Variants in CDK14 observed in about 807,000 individuals in gnomAD.
The protein encoded by CDK14 is cyclin dependent kinase 14.
In CDK14, 34 loss-of-function variants were observed where a neutral mutation model predicts 60.7. The ratio of observed to expected loss-of-function variants is 0.56; its 90% confidence interval spans 0.43 to 0.75. The LOEUF is 0.75. Ranked by LOEUF, CDK14 falls within the 30% of genes least tolerant of loss-of-function variation. The pLI, the probability that CDK14 is intolerant of heterozygous loss-of-function variation, is 0.00. For missense variants in CDK14, 482 were observed against 564.1 expected (o/e 0.85, Z 1.47); for synonymous variants, 197 against 203.7 (o/e 0.97, Z 0.28).
intron 2 of CDK14, among the ~76,000 whole-genome samples, chr7:90,700,452 T>A (rs769740328): frequency 2.0e-5 from 3 of 152,144 alleles, no homozygotes; most frequent in Non-Finnish European, 2.9e-5. Flanking sequence ...GGCAGAGTAC[T>A]TGGAGACCCT....
intron 8 of CDK14, among the ~76,000 whole-genome samples, chr7:90,926,502 T>C (rs1330907048): frequency 6.6e-6 from 1 of 152,224 alleles, no homozygotes; most frequent in African/African-American, 2.4e-5. Context: ...GCTTTAATAA[T>C]GTTCCTGTTA....
chr7:91,159,547 A>G (rs936746440), intron 14 of CDK14, among the ~76,000 whole-genome samples: 8 of 152,202 alleles, frequency 5.3e-5, no homozygotes, highest in African/African-American at 1.9e-4. Flanking sequence ...TTCAAGGTCC[A>G]TATTATCTAA....
intron 12 of CDK14, among the ~76,000 whole-genome samples, chr7:91,092,567 A>G (rs1798862186): frequency 6.6e-6 from 1 of 152,250 alleles, no homozygotes; most frequent in African/African-American, 2.4e-5. Flanking sequence ...CATGCGAATT[A>G]TCGCAGAAAA....
At chr7:90,815,323 A>G (rs1297175763) in intron 5 of CDK14, among the ~76,000 whole-genome samples, 1 of 152,244 alleles carries the variant, frequency 6.6e-6, no homozygotes, top group Non-Finnish European at 1.5e-5. Flanking sequence ...AAAAAAGCTC[A>G]TCATCACTGG....
At chr7:90,822,337 T>C (rs1789579901) in intron 5 of CDK14, among the ~76,000 whole-genome samples, 2 of 152,194 alleles carry the variant, frequency 1.3e-5, no homozygotes, top group African/African-American at 4.8e-5. Flanking sequence ...CTGAAAGAAT[T>C]TCAGAGTTAC....
chr7:90,994,041 C>T (rs1584209230), intron 10 of CDK14, among the ~76,000 whole-genome samples: 3 of 152,224 alleles, frequency 2.0e-5, no homozygotes, highest in South Asian at 4.1e-4. Flanking sequence ...ATGACTACTT[C>T]CTGGTTGTTC....
At chr7:90,659,044 C>T (rs1373113950) in intron 2 of CDK14, among the ~76,000 whole-genome samples, 1 of 152,274 alleles carries the variant, frequency 6.6e-6, no homozygotes, top group East Asian at 1.9e-4. Flanking sequence ...TAAAAAATGA[C>T]TAATACTTGT....
At chr7:90,735,994 C>T (rs1803084479) in intron 3 of CDK14, among the ~76,000 whole-genome samples, 2 of 152,338 alleles carry the variant, frequency 1.3e-5, no homozygotes, top group African/African-American at 4.8e-5. Context: ...CGGTTGCAAA[C>T]ACTGTGGTAA....
chr7:90,779,898 A>C (rs1286961456), intron 4 of CDK14, among the ~76,000 whole-genome samples: 1 of 152,202 alleles, frequency 6.6e-6, no homozygotes, highest in Non-Finnish European at 1.5e-5. Context: ...GAGTCTATAC[A>C]TTGCAATGAA....
intron 5 of CDK14, among the ~76,000 whole-genome samples, chr7:90,851,986 A>T (rs1790660936): frequency 6.6e-6 from 1 of 151,778 alleles, no homozygotes; most frequent in African/African-American, 2.4e-5. Flanking sequence ...GCAGCCTCAA[A>T]CTCCTGGGTT....
intron 14 of CDK14, among the ~76,000 whole-genome samples, chr7:91,139,306 T>C (rs1800373713): frequency 6.6e-6 from 1 of 151,532 alleles, no homozygotes; most frequent in African/African-American, 2.4e-5. Flanking sequence ...GAAAGGAAAA[T>C]GAGATGATCA....
chr7:90,631,287 C>T (rs899006964), intron 2 of CDK14, among the ~76,000 whole-genome samples: 1 of 152,190 alleles, frequency 6.6e-6, no homozygotes, highest in African/African-American at 2.4e-5. Context: ...CATGGTGACT[C>T]TTAGCCAGGG....
chr7:91,025,841 G>C (rs1012524280), intron 10 of CDK14, among the ~76,000 whole-genome samples: 4 of 152,128 alleles, frequency 2.6e-5, no homozygotes, highest in Admixed American at 2.0e-4. Flanking sequence ...TGAGTCCCCA[G>C]GTCTCAGGCA....
At chr7:90,825,825 T>G (rs935335870) in intron 5 of CDK14, among the ~76,000 whole-genome samples, 1 of 152,206 alleles carries the variant, frequency 6.6e-6, no homozygotes, top group African/African-American at 2.4e-5. Context: ...ATTTAAAACT[T>G]TTATTACTCA....
chr7:90,976,617 G>A (rs1795080760), intron 9 of CDK14, among the ~76,000 whole-genome samples: 1 of 151,896 alleles, frequency 6.6e-6, no homozygotes, highest in Non-Finnish European at 1.5e-5. Context: ...TCCCACCTCA[G>A]CTTCCAAACT....
intron 8 of CDK14, among the ~76,000 whole-genome samples, chr7:90,928,838 AG>A (rs1318277039): frequency 1.3e-5 from 2 of 152,216 alleles, no homozygotes; most frequent in African/African-American, 2.4e-5. Context: ...GTACAGAGGC[AG>A]GCAGGCTTCC....
chr7:90,972,353 C>G (rs909373647), intron 9 of CDK14, among the ~76,000 whole-genome samples: 2 of 152,170 alleles, frequency 1.3e-5, no homozygotes, highest in African/African-American at 4.8e-5. Flanking sequence ...TAGTCTTTCA[C>G]TTTTCAAATA....
intron 11 of CDK14, among the ~76,000 whole-genome samples, chr7:91,059,984 T>A (rs1455285388): frequency 3.9e-5 from 6 of 152,158 alleles, no homozygotes; most frequent in Non-Finnish European, 2.9e-5. Context: ...CTCGTGGATC[T>A]GTCTAATGTT....
In CDK14 at chr7:91,209,174, T is replaced by C. The variant is rs1802987218; in HGVS notation, c.*2038T>C. 1 of 152,290 alleles carries C rather than the reference T, an allele frequency of 6.6e-6. No homozygotes were observed. The highest frequency in any genetic ancestry group is 2.1e-4 in the South Asian group (1 of 4,830). 9.4% of individuals were successfully genotyped at this position (152,290 alleles called of 1,614,324 possible). A position where few individuals can be genotyped will look rare whatever the true frequency, so the allele number is the denominator to read the frequency against. ...ATTAAATGTTGCTTTTTAATAAGGT[T>C]TTTAACTTGAAAATTTGAAAATATT... On this transcript the variant is annotated 3_prime_UTR_variant, in exon 15 of 15. Transcript: ENST00000380050.
Sources: gnomAD v4.1 joint callset for allele counts (sites outside exome capture counted in the v4.1 genomes callset) on GRCh38, gnomAD v4.1.1 for gene constraint, MANE v1.5 for transcripts, NCBI Gene and HGNC (gene_info 2026-07-23, HGNC 2026-07-21) for gene names.